Variants in SLC50A1 observed in about 807,000 individuals in gnomAD.
SLC50A1 encodes sugar transporter SWEET1.
Under a neutral mutation model 28.9 loss-of-function variants are expected in SLC50A1, and 22 were observed. The ratio of observed to expected loss-of-function variants is 0.76; its 90% CI spans 0.54 to 1.09. The LOEUF (loss-of-function observed/expected upper bound fraction) is 1.09. Ranked by LOEUF, SLC50A1 falls within the 50% of genes least tolerant of loss-of-function variation. The pLI is 0.00. For synonymous variants in SLC50A1, 96 were observed against 110.6 expected (o/e 0.87, Z 0.83); for missense variants, 233 against 273.4 (o/e 0.85, Z 1.04).
Position 155,136,289 on chromosome 1 carries a change from CCCA to C in SLC50A1, c.81-9_81-7del. Reference sequence around the variant, plus strand: ...CCACCCCCACCCCTCCCTTCGGGGCCCCATTACAGCTCGGACCTCAGGCACATG... The same window carrying C: ...CCACCCCCACCCCTCCCTTCGGGGCCTTACAGCTCGGACCTCAGGCACATG... On this transcript the variant is annotated splice_region_variant and splice_polypyrimidine_tract_variant and intron_variant, in intron 1 of 5. Transcript: ENST00000368404. The C allele has an allele frequency of 1.3e-6, 2 of 1,597,736 alleles. No individual in the cohort carries two copies. The highest frequency in any genetic ancestry group is 1.7e-6 in the Non-Finnish European group (2 of 1,170,388).
chr1:155,137,889 G>C (rs1039360599), intron 4 of SLC50A1, 90 bp from the exon 5 acceptor site: 15 of 1,603,140 alleles, frequency 9.4e-6, no homozygotes, highest in Non-Finnish European at 1.3e-5. Context: ...GATCAGGGAG[G>C]GTGTCTGACC....
intron 4 of SLC50A1, 26 bp downstream of exon 4, chr1:155,137,748 G>A (rs773713886): frequency 6.2e-7 from 1 of 1,613,038 alleles, no homozygotes; most frequent in Non-Finnish European, 8.5e-7. Context: ...CAAGGAGGTA[G>A]GAGAGATAAG....
intron 2 of SLC50A1, 72 bp downstream of exon 2, chr1:155,136,448 A>C: frequency 6.9e-7 from 1 of 1,456,322 alleles, no homozygotes; most frequent in Non-Finnish European, 9.5e-7. Context: ...GAGGAGCAAG[A>C]GTGAAAGAGG....
rs1300038867 is a variant in SLC50A1 at position 155,136,341 on chromosome 1, C to T, written c.123C>T (p.Asn41=). Residue 41 remains asparagine (N), a synonymous_variant, in exon 2 of 6, where the codon AAC becomes AAT. Transcript: ENST00000368404. ...TGCGAATGACCCGGAGTGTGGACAA[C>T]GTCCAGTTCCTGCCCTTTCTCACCA... The part of the protein sequence containing the change: ...RHMRMTRSVD[N]VQFLPFLTTE... 1 of 1,612,252 alleles carries T rather than the reference C, an allele frequency of 6.2e-7. No individual in the cohort carries two copies.
chr1:155,135,846 T>G (rs1335319184), upstream of SLC50A1: 2 of 1,606,224 alleles, frequency 1.2e-6, no homozygotes, highest in African/African-American at 1.3e-5. Context: ...AGGTCTGGGC[T>G]GCAGTAGGTC....
upstream of SLC50A1, chr1:155,135,844 G>A: frequency 1.2e-6 from 2 of 1,605,010 alleles, no homozygotes; most frequent in Admixed American, 1.7e-5. Flanking sequence ...GCAGGTCTGG[G>A]CTGCAGTAGG....
chr1:155,135,445 T>A, upstream of SLC50A1: 1 of 785,054 alleles, frequency 1.3e-6, no homozygotes, highest in Non-Finnish European at 2.0e-6. Context: ...TCCCAAACCC[T>A]GGGCAACTGA....
In SLC50A1 at chr1:155,137,734, T is replaced by C; in HGVS notation, c.444+12T>C. 1 of 1,613,742 alleles carries C rather than the reference T, an allele frequency of 6.2e-7. No homozygotes were observed. Among genetic ancestry groups the C allele is most frequent in the Non-Finnish European group, 8.5e-7 (1 of 1,179,898 alleles). ...CACTGGCTGACTTGGTGAGTGGGGG[T>C]GTCCAAGGAGGTAGGAGAGATAAGA... On this transcript the variant is annotated intron_variant, in intron 4 of 5. Transcript: ENST00000368404.
At chr1:155,135,425 GAAA>G, upstream of SLC50A1, 1 of 653,710 alleles carries the variant, frequency 1.5e-6, no homozygotes, top group South Asian at 2.1e-5. Flanking sequence ...GCACACTCCA[GAAA>G]AAAACTTCCC....
chr1:155,136,108 G>A (rs1664438252), intron 1 of SLC50A1, 117 bp downstream of exon 1: 2 of 1,315,484 alleles, frequency 1.5e-6, no homozygotes, highest in Admixed American at 4.0e-5. Flanking sequence ...AAGTGGGATC[G>A]GGTCGAGGGG....
rs748228432 is a variant in SLC50A1, at chr1:155,136,996, CTTGCT to C, written c.282+46_282+50del. ...CCCACCTATCTGCTGCACGCCCTGC[CTTGCT>C]GGCAGGGCAAACACTATTTCCTAGA... On this transcript the variant is annotated intron_variant, in intron 3 of 5. Coordinates refer to ENST00000368404, the MANE Select transcript of SLC50A1 (RefSeq NM_018845.4). The C allele has an allele frequency of 4.4e-6, 7 of 1,599,932 alleles. No homozygotes were observed. In the South Asian group the frequency reaches 7.7e-5, roughly 18 times the overall value.
upstream of SLC50A1, chr1:155,135,522 G>A: frequency 4.9e-6 from 7 of 1,424,150 alleles, no homozygotes; most frequent in Admixed American, 2.5e-5. Context: ...GCTTTTGTTT[G>A]GAGGTCCACC....
rs1468101732 is a variant in SLC50A1 at position 155,137,998 on chromosome 1, A to C, written c.464A>C (p.Lys155Thr). Reference protein sequence around the residue: ...LADLAKVIQTKSTQCLSYPLT... With the variant: ...LADLAKVIQTTSTQCLSYPLT... ...CCACAGGCTAAGGTGATTCAAACTA[A>C]ATCAACCCAATGTCTCTCCTACCCA... The change falls in exon 5 of 6, where the codon AAA (lysine) becomes ACA (threonine). Residue 155 changes from lysine to threonine, a missense_variant. By Grantham distance (78) the Lys-to-Thr change is moderately conservative. Transcript: ENST00000368404. 5 of 1,614,032 alleles carry C rather than the reference A, an allele frequency of 3.1e-6. No homozygotes were observed. Among genetic ancestry groups the C allele is most frequent in the East Asian group, 2.2e-5 (1 of 44,874 alleles).
intron 5 of SLC50A1, 38 bp from the exon 6 acceptor site, chr1:155,138,142 A>G: frequency 1.2e-6 from 2 of 1,614,080 alleles, no homozygotes; most frequent in Non-Finnish European, 1.7e-6. Context: ...AAGATGGAAA[A>G]CTGGCTCCTC....
In SLC50A1 at chr1:155,135,858, CG is replaced by C; in HGVS notation, c.-52del. On this transcript the variant is annotated 5_prime_UTR_variant, in exon 1 of 6. Coordinates refer to ENST00000368404, the MANE Select transcript of SLC50A1 (RefSeq NM_018845.4). ...CGCAGGTCTGGGCTGCAGTAGGTCCCGGCAACCGCAGGCTCGCGGCGGGCGC... is the reference window on the plus strand; with the variant it reads ...CGCAGGTCTGGGCTGCAGTAGGTCCCGCAACCGCAGGCTCGCGGCGGGCGC... 1.2e-6 allele frequency: 2 copies of C among 1,610,336 alleles called. No individual in the cohort carries two copies. The highest frequency in any genetic ancestry group is 1.7e-6 in the Non-Finnish European group (2 of 1,178,522).
chr1:155,137,461 T>C (rs1664552321), intron 3 of SLC50A1, 100 bp from the exon 4 acceptor site: 1 of 1,475,410 alleles, frequency 6.8e-7, no homozygotes, highest in African/African-American at 1.4e-5. Context: ...CCTAGACAGC[T>C]TGGCTTCCCC....
intron 1 of SLC50A1, 22 bp downstream of exon 1, chr1:155,136,013 G>T: frequency 6.2e-7 from 1 of 1,613,514 alleles, no homozygotes; most frequent in Non-Finnish European, 8.5e-7. Context: ...GCCGGGCTGG[G>T]TTGGGGAGGA....
rs1664610499 is a variant in SLC50A1 at position 155,138,182 on chromosome 1, G to A, written c.567G>A (p.Val189=). ...GFRLRDPYIM[V]SNFPGIVTSF... The stretch of plus-strand genomic sequence containing the variant: ...CATAGCAGTTCTTGTGATTTCAGGT[G>A]TCCAACTTTCCAGGAATCGTCACCA... Residue 189 remains valine (V), a splice_region_variant and synonymous_variant, in exon 6 of 6, where the codon GTG becomes GTA. Coordinates refer to ENST00000368404, the MANE Select transcript of SLC50A1 (RefSeq NM_018845.4). 1 of 1,614,206 alleles carries A rather than the reference G, an allele frequency of 6.2e-7. No individual in the cohort carries two copies. Among genetic ancestry groups the A allele is most frequent in the Non-Finnish European group, 8.5e-7 (1 of 1,180,038 alleles).
At position 155,137,854 on chromosome 1, in the gene SLC50A1, G is replaced by A. The variant is rs1026485659; in HGVS notation, c.445-125G>A. The A allele has an allele frequency of 1.8e-5, 29 of 1,580,496 alleles. No individual in the cohort carries two copies. In the Admixed American group the frequency reaches 4.8e-4, roughly 26 times the overall value. On this transcript the variant is annotated intron_variant, in intron 4 of 5. Transcript: ENST00000368404. ...GACAAGGCAGTAGAAGTGGGCGAGT[G>A]GGAGGCAGGAAAGGTTGGGTGACAG...
Sources: gnomAD v4.1 joint callset for allele counts on GRCh38, gnomAD v4.1.1 for gene constraint, MANE v1.5 for transcripts, NCBI Gene and HGNC (gene_info 2026-07-23, HGNC 2026-07-21) for gene names.